Variants in TDRD3 observed in about 807,000 individuals in gnomAD.
The protein encoded by TDRD3 is tudor domain containing 3.
In TDRD3, 45 loss-of-function variants were observed where a neutral mutation model predicts 86.7. That is an observed-to-expected ratio of 0.52 (90% CI 0.41 to 0.67). TDRD3 has a LOEUF of 0.67. Ranked by LOEUF, TDRD3 falls within the 30% of genes least tolerant of loss-of-function variation. The pLI is 0.00. For missense variants in TDRD3, 814 were observed against 889.0 expected (o/e 0.92, Z 1.07); for synonymous variants, 298 against 301.7 (o/e 0.99, Z 0.13).
At chr13:60,559,870 C>G (rs988282465) in intron 12 of TDRD3, among the ~76,000 whole-genome samples, 2 of 152,008 alleles carry the variant, frequency 1.3e-5, no homozygotes, top group African/African-American at 4.8e-5. Flanking sequence ...AATTTGGTAA[C>G]AAGGTAGATC....
intron 10 of TDRD3, among the ~76,000 whole-genome samples, chr13:60,521,768 A>G (rs1401998325): frequency 6.6e-6 from 1 of 152,080 alleles, no homozygotes; most frequent in African/African-American, 2.4e-5. Flanking sequence ...ATGGCAGCAC[A>G]TGCCTGTAAT....
intron 5 of TDRD3, among the ~76,000 whole-genome samples, chr13:60,478,291 ATTTTTTTTT>A (rs34449105): frequency 4.0e-5 from 3 of 74,332 alleles, no homozygotes; most frequent in African/African-American, 6.6e-5. Context: ...CAGTCTACCA[ATTTTTTTTT>A]TTTTTTTTTT....
Position 60,422,681 on chromosome 13 carries a change from C to T in TDRD3, c.42-17007C>T, listed in dbSNP as rs1954691462. On this transcript the variant is annotated intron_variant, in intron 1 of 13. Transcript: ENST00000377881. ...AAATAAAGAATATATTACAAGATACCCAAGGGAAAATGGACTAGAATGAAA... is the reference window on the plus strand; with the variant it reads ...AAATAAAGAATATATTACAAGATACTCAAGGGAAAATGGACTAGAATGAAA... Among the ~76,000 whole-genome samples the T allele has an allele frequency of 2.0e-5, 3 of 151,232 alleles. No individual in the cohort carries two copies. In the South Asian group the frequency reaches 6.3e-4, roughly 32 times the overall value.
At chr13:60,515,883 CATTGA>C (rs1173035681) in intron 10 of TDRD3, among the ~76,000 whole-genome samples, 2 of 152,090 alleles carry the variant, frequency 1.3e-5, no homozygotes, top group Non-Finnish European at 2.9e-5. Context: ...AAATTAACTT[CATTGA>C]TGGGAGAAAA....
chr13:60,528,501 C>G lies in TDRD3; in HGVS notation c.1276C>G (p.Pro426Ala), dbSNP rs138767867. The change falls in exon 11 of 14, where the codon CCG becomes GCG. Residue 426 changes from proline to alanine, a missense_variant. By Grantham distance (27) the Pro-to-Ala change is conservative (BLOSUM62 -1). Transcript: ENST00000377881. Reference protein sequence around the residue: ...NDTRQPRNEKPPRFQRDSQNS... With the variant: ...NDTRQPRNEKAPRFQRDSQNS... ...TACCAGGCAGCCAAGAAATGAAAAA[C>G]CGCCTCGTTTTCAAAGAGACTCCCA... 150 of 1,613,960 alleles carry G rather than the reference C, an allele frequency of 9.3e-5. No individual in the cohort carries two copies. The Middle Eastern group carries it at 8.6e-3, about 92-fold the overall frequency.
chr13:60,402,853 T>G (rs1954139220), intron 1 of TDRD3, among the ~76,000 whole-genome samples: 1 of 152,160 alleles, frequency 6.6e-6, no homozygotes, highest in Non-Finnish European at 1.5e-5. Context: ...CACGCCTGGC[T>G]AGCCAATTGC....
intron 1 of TDRD3, among the ~76,000 whole-genome samples, chr13:60,431,483 C>T (rs1453097982): frequency 6.6e-6 from 1 of 151,672 alleles, no homozygotes; most frequent in Non-Finnish European, 1.5e-5. Flanking sequence ...AAATTTCCAT[C>T]TCAATTTTTA....
intron 8 of TDRD3, among the ~76,000 whole-genome samples, chr13:60,508,694 A>G (rs1956989748): frequency 6.6e-6 from 1 of 152,230 alleles, no homozygotes; most frequent in Admixed American, 6.5e-5. Context: ...AATACCATTC[A>G]GGACATAGGC....
rs149001206 is a variant in TDRD3 at position 60,508,446 on chromosome 13, C to T, written c.859-1317C>T. Among the ~76,000 whole-genome samples, 846 of 152,102 alleles carry T rather than the reference C, an allele frequency of 5.6e-3. 13 individuals are homozygous for T. The highest frequency in any genetic ancestry group is 0.03 in the Admixed American group (462 of 15,268). On this transcript the variant is annotated intron_variant, in intron 8 of 13. Coordinates refer to ENST00000377881, the MANE Select transcript of TDRD3 (RefSeq NM_001146070.2). ...ATATAGACCAATGGAACAGAACAGACGCCTCATAAATAACACCACACATCT... is the reference window on the plus strand; with the variant it reads ...ATATAGACCAATGGAACAGAACAGATGCCTCATAAATAACACCACACATCT...
At chr13:60,501,039 T>G (rs1007089461) in intron 8 of TDRD3, among the ~76,000 whole-genome samples, 1 of 152,170 alleles carries the variant, frequency 6.6e-6, no homozygotes, top group Non-Finnish European at 1.5e-5. Flanking sequence ...GGCCAGTGAC[T>G]ATTCCTTGGG....
At chr13:60,546,904 C>T (rs915384046) in intron 12 of TDRD3, among the ~76,000 whole-genome samples, 1 of 151,994 alleles carries the variant, frequency 6.6e-6, no homozygotes, top group African/African-American at 2.4e-5. Context: ...TTTGGTGTAA[C>T]GTCTTCAACA....
intron 1 of TDRD3, among the ~76,000 whole-genome samples, chr13:60,413,744 A>G (rs1954424237): frequency 6.6e-6 from 1 of 152,104 alleles, no homozygotes; most frequent in African/African-American, 2.4e-5. Flanking sequence ...AGATTACCTT[A>G]TATAGCCTGT....
intron 1 of TDRD3, among the ~76,000 whole-genome samples, chr13:60,415,917 T>C (rs1954497391): frequency 6.6e-6 from 1 of 152,156 alleles, no homozygotes; most frequent in Non-Finnish European, 1.5e-5. Context: ...ATCTTTTTCT[T>C]AAGGAAAAGT....
intron 10 of TDRD3, among the ~76,000 whole-genome samples, chr13:60,527,709 C>T (rs917427470): frequency 1.3e-5 from 2 of 152,170 alleles, no homozygotes; most frequent in Admixed American, 6.5e-5. Flanking sequence ...ATGTTTCTGA[C>T]ACTTTTTCGG....
Position 60,528,421 on chromosome 13 carries a change from C to T in TDRD3, c.1196C>T (p.Thr399Ile), listed in dbSNP as rs749416275. The stretch of plus-strand genomic sequence containing the variant: ...CAGGGACAATACAGATCATCAAATA[C>T]TGAGCAAAATGGAGTAAAAGATAAT... ...LHQGQYRSSN[T>I]EQNGVKDNNH... The change falls in exon 11 of 14, where the codon ACT (threonine) becomes ATT (isoleucine). Residue 399 changes from threonine to isoleucine, a missense_variant. Physicochemically the swap from Thr to Ile is moderately conservative, Grantham distance 89 (BLOSUM62 -1). Coordinates refer to ENST00000377881, the MANE Select transcript of TDRD3 (RefSeq NM_001146070.2). The T allele has an allele frequency of 1.9e-6, 3 of 1,613,098 alleles. 1 individual carries two copies. The South Asian group carries it at 3.3e-5, about 18-fold the overall frequency.
chr13:60,486,971 G>T (rs566044233), intron 7 of TDRD3, among the ~76,000 whole-genome samples: 1 of 152,128 alleles, frequency 6.6e-6, no homozygotes, highest in Non-Finnish European at 1.5e-5. Flanking sequence ...TCCATTATGT[G>T]TAGACAGTCA....
At chr13:60,477,389 AT>A (rs1004884566) in intron 5 of TDRD3, among the ~76,000 whole-genome samples, 4 of 151,806 alleles carry the variant, frequency 2.6e-5, no homozygotes, top group Non-Finnish European at 5.9e-5. Context: ...TAATTTTTAA[AT>A]TTTTTATAGA....
At chr13:60,434,282 C>G (rs1955033696) in intron 1 of TDRD3, among the ~76,000 whole-genome samples, 1 of 151,942 alleles carries the variant, frequency 6.6e-6, no homozygotes, top group South Asian at 2.1e-4. Flanking sequence ...CCAGCCTCTG[C>G]AACATGGTGA....
chr13:60,439,598 T>C (rs1458654339), intron 1 of TDRD3, 90 bp from the exon 2 acceptor site: 3 of 916,174 alleles, frequency 3.3e-6, no homozygotes, highest in East Asian at 2.7e-5. Flanking sequence ...AGAAGCACTT[T>C]ATAGTAGAAA....
Sources: gnomAD v4.1 joint callset for allele counts (sites outside exome capture counted in the v4.1 genomes callset) on GRCh38, gnomAD v4.1.1 for gene constraint, MANE v1.5 for transcripts, NCBI Gene and HGNC (gene_info 2026-07-23, HGNC 2026-07-21) for gene names.